The following CNTN6 variants were observed in gnomAD, a reference collection of about 807,000 sequenced individuals.
CNTN6 encodes the protein contactin-6.
Under a neutral mutation model 122.8 loss-of-function variants are expected in CNTN6, and 137 were observed. The observed-to-expected ratio is 1.12, with a 90% CI of 0.97 to 1.29. The LOEUF is 1.29. Ranked by LOEUF, CNTN6 falls within the 50% of genes most tolerant of loss-of-function variation. The probability of loss-of-function intolerance (pLI) is 0.00; values close to 1 mark genes in which losing one functional copy is unlikely to be tolerated. For synonymous variants in CNTN6, 570 were observed against 426.0 expected, an observed-to-expected ratio of 1.34 and a Z score of -4.16; for missense variants, 1,634 against 1,223.4, an observed-to-expected ratio of 1.34 and a Z score of -5.01.
chr3:1,277,795 T>C (rs1423185854), intron 4 of CNTN6, among the ~76,000 whole-genome samples: 1 of 152,190 alleles, frequency 6.6e-6, no homozygotes, highest in Non-Finnish European at 1.5e-5. Flanking sequence ...GATTTATACC[T>C]CAGATGGCTT....
chr3:1,094,699 TA>T (rs984921147), intron 1 of CNTN6, among the ~76,000 whole-genome samples: 1 of 151,526 alleles, frequency 6.6e-6, no homozygotes, highest in African/African-American at 2.4e-5. Context: ...GAACCCCCTC[TA>T]AAAAAAATCA....
chr3:1,289,270 C>T (rs1292913656), intron 5 of CNTN6, among the ~76,000 whole-genome samples: 1 of 152,166 alleles, frequency 6.6e-6, no homozygotes, highest in Non-Finnish European at 1.5e-5. Context: ...CCAGTGCAGG[C>T]TGGCTCTTCA....
chr3:1,240,564 C>T (rs529794201), intron 4 of CNTN6, among the ~76,000 whole-genome samples: 5 of 152,086 alleles, frequency 3.3e-5, no homozygotes, highest in Non-Finnish European at 7.4e-5. Context: ...AACAGTTTTA[C>T]ACTGTTGGTG....
At chr3:1,269,415 C>T (rs1307175431) in intron 4 of CNTN6, among the ~76,000 whole-genome samples, 1 of 152,186 alleles carries the variant, frequency 6.6e-6, no homozygotes, top group Non-Finnish European at 1.5e-5. Flanking sequence ...TTGCCTTTTA[C>T]TAGTTAAGTA....
chr3:1,329,713 A>G (rs1220626115), intron 10 of CNTN6, 72 bp from the exon 11 acceptor site: 1 of 1,305,478 alleles, frequency 7.7e-7, no homozygotes, highest in Non-Finnish European at 1.1e-6. Flanking sequence ...TGTCTAGCAT[A>G]GCAAGTCACC....
intron 7 of CNTN6, among the ~76,000 whole-genome samples, chr3:1,312,319 A>AAC (rs1559790129): frequency 6.6e-6 from 1 of 151,288 alleles, no homozygotes; most frequent in African/African-American, 2.4e-5. Flanking sequence ...ATCCAAGAAG[A>AAC]ATATATATAT....
At chr3:1,140,799 C>T (rs1574993400) in intron 1 of CNTN6, among the ~76,000 whole-genome samples, 2 of 152,296 alleles carry the variant, frequency 1.3e-5, no homozygotes, top group Middle Eastern at 3.4e-3. Flanking sequence ...GTAATCATGG[C>T]TCCTCTAGGA....
At chr3:1,309,993 GC>G (rs1258261188) in intron 7 of CNTN6, among the ~76,000 whole-genome samples, 4 of 152,034 alleles carry the variant, frequency 2.6e-5, no homozygotes, top group African/African-American at 9.7e-5. Flanking sequence ...GTATCTTGTT[GC>G]CTTGCTATAA....
At chr3:1,276,405 G>T (rs1301181428) in intron 4 of CNTN6, among the ~76,000 whole-genome samples, 2 of 152,092 alleles carry the variant, frequency 1.3e-5, no homozygotes, top group Non-Finnish European at 2.9e-5. Context: ...GCATGTTCCA[G>T]GTATGATTCA....
intron 20 of CNTN6, among the ~76,000 whole-genome samples, chr3:1,388,417 A>G (rs868002610): frequency 1.6e-3 from 248 of 151,050 alleles, no homozygotes; most frequent in African/African-American, 5.2e-3. Flanking sequence ...TCTGTACATC[A>G]CCATCATCAA....
intron 2 of CNTN6, among the ~76,000 whole-genome samples, chr3:1,154,117 T>C (rs866252071): frequency 6.6e-6 from 1 of 152,340 alleles, no homozygotes; most frequent in South Asian, 2.1e-4. Context: ...GTTATATGAT[T>C]ATCAAACCTT....
chr3:1,213,476 A>C (rs1311604235), intron 2 of CNTN6, among the ~76,000 whole-genome samples: 1 of 151,220 alleles, frequency 6.6e-6, no homozygotes, highest in African/African-American at 2.4e-5. Flanking sequence ...TTTTTAAAAA[A>C]TCTGATGTTT....
intron 2 of CNTN6, among the ~76,000 whole-genome samples, chr3:1,214,086 A>C (rs1400625413): frequency 6.6e-6 from 1 of 152,018 alleles, no homozygotes; most frequent in Non-Finnish European, 1.5e-5. Flanking sequence ...TAAAACTAGC[A>C]GAGTTCTTAA....
intron 4 of CNTN6, among the ~76,000 whole-genome samples, chr3:1,247,975 C>T (rs2094605575): frequency 1.3e-5 from 2 of 152,020 alleles, no homozygotes; most frequent in Admixed American, 6.6e-5. Context: ...AAAATGCAGA[C>T]AATAGAAAGG....
chr3:1,340,253 A>C (rs1388133858), intron 11 of CNTN6, among the ~76,000 whole-genome samples: 1 of 152,306 alleles, frequency 6.6e-6, no homozygotes, highest in East Asian at 1.9e-4. Flanking sequence ...GCAGTCCTTC[A>C]TAATATACAC....
chr3:1,361,477 T>C (rs751610117), intron 12 of CNTN6, among the ~76,000 whole-genome samples: 4 of 152,152 alleles, frequency 2.6e-5, no homozygotes, highest in African/African-American at 7.2e-5. Flanking sequence ...TGGTTTTCAA[T>C]AGATGATTGA....
chr3:1,211,290 T>C (rs1413051194), intron 2 of CNTN6, among the ~76,000 whole-genome samples: 1 of 152,314 alleles, frequency 6.6e-6, no homozygotes, highest in East Asian at 1.9e-4. Context: ...CCCAGGCTCA[T>C]ACAATGTGAT....
chr3:1,346,299 T>G (rs1363509163), intron 11 of CNTN6, among the ~76,000 whole-genome samples: 5 of 152,180 alleles, frequency 3.3e-5, no homozygotes, highest in Non-Finnish European at 5.9e-5. Flanking sequence ...TTGTCCCCAC[T>G]AAAACTCATA....
At chr3:1,348,140 T>C (rs1189324393) in intron 11 of CNTN6, among the ~76,000 whole-genome samples, 1 of 75,706 alleles carries the variant, frequency 1.3e-5, no homozygotes, top group Non-Finnish European at 2.6e-5. Flanking sequence ...GTAATATTAG[T>C]ATTTCTATGC....
Sources: allele counts gnomAD v4.1 joint callset (sites outside exome capture counted in the v4.1 genomes callset), GRCh38; gene constraint gnomAD v4.1.1; transcripts MANE v1.5; gene names NCBI Gene and HGNC (gene_info 2026-07-23, HGNC 2026-07-21).